CREB1: variants seen among roughly 807,000 people sequenced by gnomAD.
The protein encoded by CREB1 is cAMP responsive element binding protein 1.
CREB1 carries 2 observed loss-of-function variants against 42.0 expected under a neutral mutation model. That is an observed-to-expected ratio of 0.05 (90% CI 0.02 to 0.15). The LOEUF (loss-of-function observed/expected upper bound fraction) is 0.15. Among genes scored for constraint, CREB1 ranks in the 10% least tolerant of loss-of-function variants. The pLI is 1.00. For synonymous variants in CREB1, 123 were observed against 139.9 expected (o/e 0.88, Z 0.85); for missense variants, 199 against 388.9 (o/e 0.51, Z 4.11).
intron 1 of CREB1, among the ~76,000 whole-genome samples, chr2:207,542,577 A>G (rs1406761096): frequency 6.6e-6 from 1 of 152,120 alleles, no homozygotes; most frequent in African/African-American, 2.4e-5. Flanking sequence ...TGTCAGATAC[A>G]TGATTTACAA....
At chr2:207,550,337 T>C (rs1312885403) in intron 1 of CREB1, 3 of 151,248 alleles carry the variant, frequency 2.0e-5, no homozygotes, top group African/African-American at 7.3e-5. Context: ...GTCATTCTTT[T>C]TTTTTTTTTT....
chr2:207,556,513 T>TA (rs1297119187), intron 2 of CREB1, among the ~76,000 whole-genome samples: 1 of 152,176 alleles, frequency 6.6e-6, no homozygotes, highest in Non-Finnish European at 1.5e-5. Context: ...TCCAAGAGTT[T>TA]AAAAGTTCCT....
At chr2:207,563,858 C>T (rs1379776275) in intron 3 of CREB1, among the ~76,000 whole-genome samples, 2 of 152,078 alleles carry the variant, frequency 1.3e-5, no homozygotes, top group East Asian at 3.9e-4. Flanking sequence ...GCACGAGAAT[C>T]ACTTGAACCC....
intron 1 of CREB1, among the ~76,000 whole-genome samples, chr2:207,540,659 GT>G (rs2081057044): frequency 1.4e-4 from 1 of 7,290 alleles, no homozygotes; most frequent in Non-Finnish European, 3.1e-4. Flanking sequence ...TAACAAAAAA[GT>G]TTAAAAAGTA....
rs967205993 is a variant in CREB1 at position 207,600,690 on chromosome 2, G to T, written c.*3632G>T. On this transcript the variant is annotated 3_prime_UTR_variant, in exon 8 of 8. Coordinates refer to ENST00000353267, the MANE Select transcript of CREB1 (RefSeq NM_004379.5). ...GTCAGAAAATGTGTTTTGATGGTAGGTCAGCAGCAGTGCTAGTCTCTGAAA... is the reference window on the plus strand; with the variant it reads ...GTCAGAAAATGTGTTTTGATGGTAGTTCAGCAGCAGTGCTAGTCTCTGAAA... The T allele has an allele frequency of 9.5e-6, 2 of 210,994 alleles. No homozygotes were observed. The highest frequency in any genetic ancestry group is 1.4e-4 in the East Asian group (2 of 14,148). 13.1% of individuals were successfully genotyped at this position (210,994 alleles called of 1,614,324 possible). A position where few individuals can be genotyped will look rare whatever the true frequency, so the allele number is the denominator to read the frequency against.
intron 3 of CREB1, among the ~76,000 whole-genome samples, chr2:207,566,286 T>C (rs2082135469): frequency 6.6e-6 from 1 of 152,146 alleles, no homozygotes; most frequent in Non-Finnish European, 1.5e-5. Flanking sequence ...CTCAAGTACT[T>C]CTGAATATGT....
At chr2:207,563,074 T>C (rs182933653) in intron 3 of CREB1, among the ~76,000 whole-genome samples, 14 of 152,220 alleles carry the variant, frequency 9.2e-5, no homozygotes, top group Admixed American at 7.2e-4. Flanking sequence ...TGGAGAATGA[T>C]GTGGAGGGAA....
chr2:207,546,725 T>C (rs1361998674), intron 1 of CREB1, among the ~76,000 whole-genome samples: 2 of 125,136 alleles, frequency 1.6e-5, no homozygotes, highest in Non-Finnish European at 3.7e-5. Context: ...TGAGACCCTA[T>C]ATCAAAAAAA....
chr2:207,593,942 C>G (rs1474219391), intron 7 of CREB1, among the ~76,000 whole-genome samples: 1 of 152,140 alleles, frequency 6.6e-6, no homozygotes, highest in East Asian at 1.9e-4. Flanking sequence ...TGGTCTCAAA[C>G]TCCTGGCCTC....
chr2:207,588,168 G>A (rs2084241547), intron 7 of CREB1, among the ~76,000 whole-genome samples: 1 of 152,076 alleles, frequency 6.6e-6, no homozygotes, highest in Non-Finnish European at 1.5e-5. Flanking sequence ...TATGTTTTAT[G>A]TTAGAGTTTT....
intron 1 of CREB1, among the ~76,000 whole-genome samples, chr2:207,533,125 A>G (rs1490518925): frequency 1.3e-5 from 2 of 151,866 alleles, no homozygotes; most frequent in African/African-American, 4.8e-5. Context: ...TTAGAAAGCT[A>G]ATAAATTACT....
intron 3 of CREB1, among the ~76,000 whole-genome samples, chr2:207,562,590 A>C (rs1243215693): frequency 2.0e-5 from 3 of 152,170 alleles, no homozygotes. Flanking sequence ...GAAAAGTTGG[A>C]CTTATTGAAC....
In CREB1 at chr2:207,600,706, G is replaced by C; in HGVS notation, c.*3648G>C. ...TGATGGTAGGTCAGCAGCAGTGCTA[G>C]TCTCTGAAAGCACAATACCAGTCAG... On this transcript the variant is annotated 3_prime_UTR_variant, in exon 8 of 8. Coordinates refer to ENST00000353267, the MANE Select transcript of CREB1 (RefSeq NM_004379.5). 1 of 211,606 alleles carries C rather than the reference G, an allele frequency of 4.7e-6. No individual in the cohort carries two copies. Among genetic ancestry groups the C allele is most frequent in the Non-Finnish European group, 9.6e-6 (1 of 104,394 alleles). The allele number at this position is 211,606 out of a possible 1,614,324, so 13.1% of individuals were successfully genotyped here.
In CREB1 at chr2:207,600,991, C is replaced by G. The variant is rs201754017; in HGVS notation, c.*3933C>G. 1 of 182,642 alleles carries G rather than the reference C, an allele frequency of 5.5e-6. No individual in the cohort carries two copies. Among genetic ancestry groups the G allele is most frequent in the Admixed American group, 6.7e-5 (1 of 14,946 alleles). The allele number at this position is 182,642 out of a possible 1,614,324, so 11.3% of individuals were successfully genotyped here. On this transcript the variant is annotated 3_prime_UTR_variant, in exon 8 of 8. Transcript: ENST00000353267. ...GTCAGCTATTACCATAAATTGGTCTCTGTTTATTTTGAAGATCACGGCTGC... is the reference window on the plus strand; with the variant it reads ...GTCAGCTATTACCATAAATTGGTCTGTGTTTATTTTGAAGATCACGGCTGC...
At chr2:207,561,310 T>C in intron 3 of CREB1, 3 of 641,996 alleles carry the variant, frequency 4.7e-6, no homozygotes, top group Non-Finnish European at 5.4e-6. Flanking sequence ...AGGCCATACT[T>C]GTTACCTCCC....
chr2:207,571,482 A>T (rs141429097), intron 5 of CREB1, among the ~76,000 whole-genome samples: 1 of 152,240 alleles, frequency 6.6e-6, no homozygotes, highest in South Asian at 2.1e-4. Flanking sequence ...TAACTCTGCC[A>T]AGGCTGAAAC....
intron 1 of CREB1, among the ~76,000 whole-genome samples, chr2:207,542,514 T>C (rs966521568): frequency 6.6e-6 from 1 of 152,190 alleles, no homozygotes; most frequent in Admixed American, 6.5e-5. Context: ...CATTTTAAAA[T>C]TCGGTTGGCT....
intron 3 of CREB1, chr2:207,561,152 G>A (rs1471255769): frequency 5.0e-6 from 8 of 1,612,442 alleles, no homozygotes; most frequent in African/African-American, 1.3e-5. Context: ...ACTTTTCTCC[G>A]GAACACAGGT....
intron 3 of CREB1, among the ~76,000 whole-genome samples, chr2:207,562,245 A>G (rs73056910): frequency 0.012 from 1,806 of 152,304 alleles, 33 homozygotes; most frequent in African/African-American, 0.041. Flanking sequence ...CAGTTTGGAC[A>G]TTAATAAGTC....
Sources: gnomAD v4.1 joint callset for allele counts (sites outside exome capture counted in the v4.1 genomes callset) on GRCh38, gnomAD v4.1.1 for gene constraint, MANE v1.5 for transcripts, NCBI Gene and HGNC (gene_info 2026-07-23, HGNC 2026-07-21) for gene names.